NAA10: variants seen among roughly 807,000 people sequenced by gnomAD.
NAA10 encodes N-alpha-acetyltransferase 10.
In NAA10, 6 loss-of-function variants were observed where a neutral mutation model predicts 19.2. That is an observed-to-expected ratio of 0.31 (90% CI 0.17 to 0.62). The LOEUF is 0.62. Ranked by LOEUF, NAA10 falls within the 20% of genes least tolerant of loss-of-function variation. NAA10 has a pLI of 0.83. For missense variants in NAA10, 101 were observed against 198.4 expected (o/e 0.51, Z 2.95); for synonymous variants, 97 against 79.9 (o/e 1.21, Z -1.14).
chrX:153,929,844 A>G lies in NAA10; in HGVS notation c.*143T>C, dbSNP rs1351246656. 7 of 533,289 alleles carry G rather than the reference A, an allele frequency of 1.3e-5. No individual in the cohort carries two copies. Among genetic ancestry groups the G allele is most frequent in the Non-Finnish European group, 2.2e-5 (7 of 313,639 alleles). 43.9% of individuals were successfully genotyped at this position (533,289 alleles called of 1,213,427 possible). A position where few individuals can be genotyped will look rare whatever the true frequency, so the allele number is the denominator to read the frequency against. On this transcript the variant is annotated 3_prime_UTR_variant, in exon 8 of 8. Coordinates refer to ENST00000464845, the MANE Select transcript of NAA10 (RefSeq NM_003491.4). Reference sequence around the variant, plus strand: ...GGGCCTGGCAGGATGCTCTGGGTCAAAAGGCCAAGGCTCACATCCCCACCA... The same window carrying G: ...GGGCCTGGCAGGATGCTCTGGGTCAGAAGGCCAAGGCTCACATCCCCACCA...
chrX:153,930,313 G>C (rs1351439150), intron 7 of NAA10, 90 bp from the exon 8 acceptor site: 2 of 862,337 alleles, frequency 2.3e-6, no homozygotes, highest in African/African-American at 4.0e-5. Flanking sequence ...GCTGGCTGAG[G>C]AGAGGGGCAT....
Position 153,934,954 on chromosome X carries a change from C to T in NAA10, c.-50G>A. The T allele has an allele frequency of 1.0e-6, 1 of 963,433 alleles. No homozygotes were observed. The highest frequency in any genetic ancestry group is 3.3e-5 in the South Asian group (1 of 30,402). 79.4% of individuals were successfully genotyped at this position (963,433 alleles called of 1,213,427 possible). ...CAGCGGATCGTGAAGGCGCAGTCAG[C>T]TGCCGCCGCGCTCCGAAGCGACGCC... On this transcript the variant is annotated 5_prime_UTR_variant, in exon 1 of 8. Transcript: ENST00000464845.
At chrX:153,930,297 C>T (rs1557107188) in intron 7 of NAA10, 74 bp from the exon 8 acceptor site, 1 of 989,780 alleles carries the variant, frequency 1.0e-6, no homozygotes, top group Admixed American at 2.2e-5. Context: ...GGAGCCTGGC[C>T]CTGTCGCTGG....
At chrX:153,933,095 A>T (rs782778110) in intron 3 of NAA10, 1 of 131,269 alleles carries the variant, frequency 7.6e-6, no homozygotes, top group African/African-American at 3.2e-5. Context: ...ACGCAAAGAC[A>T]AGGCAGAAGC....
intron 3 of NAA10, 158 bp downstream of exon 3, chrX:153,933,785 A>G: frequency 2.1e-6 from 1 of 468,222 alleles, no homozygotes; most frequent in Non-Finnish European, 3.7e-6. Flanking sequence ...CAGGGAGGGG[A>G]TGCTGAGGGG....
intron 6 of NAA10, chrX:153,931,658 C>T (rs1175025879): frequency 4.2e-5 from 36 of 866,372 alleles, no homozygotes; most frequent in Non-Finnish European, 5.1e-5. Context: ...GCCCTTCCTT[C>T]CTGAATGTGC....
In NAA10 at chrX:153,930,756, C is replaced by T. The variant is rs373145595; in HGVS notation, c.471+7G>A. ...CTCGCCTTGCTTGGCTTCATGCAGG[C>T]GCTTACCTCGTCGGCCATCTGAGTG... On this transcript the variant is annotated splice_region_variant and intron_variant, in intron 7 of 7. Transcript: ENST00000464845. 16 of 1,209,693 alleles carry T rather than the reference C, an allele frequency of 1.3e-5. No homozygotes were observed. The highest frequency in any genetic ancestry group is 1.8e-5 in the South Asian group (1 of 56,911).
chrX:153,933,258 T>C (rs2065176957), intron 3 of NAA10, among the ~76,000 whole-genome samples: 1 of 112,066 alleles, frequency 8.9e-6, no homozygotes, highest in Non-Finnish European at 1.9e-5. Context: ...GATGAATGCG[T>C]GGAACACAGT....
intron 1 of NAA10, 178 bp downstream of exon 1, chrX:153,934,706 A>G (rs1745670221): frequency 1.6e-6 from 1 of 615,272 alleles, no homozygotes; most frequent in Non-Finnish European, 2.5e-6. Context: ...AGGGAATCGC[A>G]GCCCCGGCCC....
rs782212349 is a variant in NAA10 at position 153,932,451 on chromosome X, GA to G, written c.226-21del. On this transcript the variant is annotated intron_variant, in intron 4 of 7. Transcript: ENST00000464845. Reference sequence around the variant, plus strand: ...CACAGCCTGGTGGGAGAAGAGCAGAGATGGGGTGAGGGACTGGGACCTTGAG... The same window carrying G: ...CACAGCCTGGTGGGAGAAGAGCAGAGTGGGGTGAGGGACTGGGACCTTGAG... 1.7e-6 allele frequency: 2 copies of G among 1,204,400 alleles called. No homozygotes were observed. Among genetic ancestry groups the G allele is most frequent in the South Asian group, 3.5e-5 (2 of 56,580 alleles).
At position 153,930,086 on chromosome X, in the gene NAA10, C is replaced by T; in HGVS notation, c.609G>A (p.Glu203=). The change falls in exon 8 of 8, where the codon GAG becomes GAA. Residue 203 remains glutamate, a synonymous_variant. Transcript: ENST00000464845. The part of the protein sequence containing the change: ...ACREEKGLAA[E]DSGGDSKDLS... ...GGTCCTTGCTGTCCCCACCACTATCCTCGGCAGCCAGGCCCTTCTCCTCGC... is the reference window on the plus strand; with the variant it reads ...GGTCCTTGCTGTCCCCACCACTATCTTCGGCAGCCAGGCCCTTCTCCTCGC... The T allele has an allele frequency of 1.7e-6, 2 of 1,211,205 alleles. No homozygotes were observed. Among genetic ancestry groups the T allele is most frequent in the South Asian group, 3.5e-5 (2 of 56,909 alleles).
rs372290612 is a variant in NAA10 at position 153,932,405 on chromosome X, G to A, written c.252C>T (p.Leu84=). 5 of 1,210,104 alleles carry A rather than the reference G, an allele frequency of 4.1e-6. No homozygotes were observed. The highest frequency in any genetic ancestry group is 5.9e-5 in the East Asian group (2 of 33,770). ...GGTCCATCAGTTTCTGAGCCAGACC[G>A]AGGCGCCGGTGGGAACGCTTCACAG... ...SLAVKRSHRR[L]GLAQKLMDQA... The change falls in exon 5 of 8, where the codon CTC becomes CTT. Residue 84 remains leucine (L), a synonymous_variant. Coordinates refer to ENST00000464845, the MANE Select transcript of NAA10 (RefSeq NM_003491.4).
chrX:153,934,927 C>A lies in NAA10; in HGVS notation c.-23G>T. The A allele has an allele frequency of 1.0e-6, 1 of 998,914 alleles. No individual in the cohort carries two copies. Among genetic ancestry groups the A allele is most frequent in the Admixed American group, 3.6e-5 (1 of 27,466 alleles). 82.3% of individuals were successfully genotyped at this position (998,914 alleles called of 1,213,427 possible). A position where few individuals can be genotyped will look rare whatever the true frequency, so the allele number is the denominator to read the frequency against. Reference sequence around the variant, plus strand: ...CATAACGGCGGCGGGGCTCGCGGGTCCCAGCGGATCGTGAAGGCGCAGTCA... The same window carrying A: ...CATAACGGCGGCGGGGCTCGCGGGTACCAGCGGATCGTGAAGGCGCAGTCA... On this transcript the variant is annotated 5_prime_UTR_variant, in exon 1 of 8. Transcript: ENST00000464845.
chrX:153,934,723 CCGGCCTCTT>C, intron 1 of NAA10, 152 bp downstream of exon 1: 3 of 665,904 alleles, frequency 4.5e-6, no homozygotes, highest in Non-Finnish European at 6.6e-6. Context: ...GCCCCGCGCC[CCGGCCTCTT>C]CGGCGGGCTG....
At chrX:153,930,537 T>G in intron 7 of NAA10, 2 of 460,060 alleles carry the variant, frequency 4.3e-6, no homozygotes, top group South Asian at 6.4e-5. Context: ...TCCCTAGACC[T>G]CCCCACTTCC....
intron 6 of NAA10, 44 bp from the exon 7 acceptor site, chrX:153,930,891 C>G: frequency 8.3e-7 from 1 of 1,211,222 alleles, no homozygotes; most frequent in Non-Finnish European, 1.1e-6. Flanking sequence ...ACCTGTATCC[C>G]GGGGACACCC....
chrX:153,934,275 AG>A, intron 2 of NAA10, 101 bp downstream of exon 2: 1 of 751,896 alleles, frequency 1.3e-6, no homozygotes, highest in African/African-American at 2.1e-5. Flanking sequence ...CCGACCATAC[AG>A]CCCCCTGGGC....
intron 6 of NAA10, 164 bp downstream of exon 6, chrX:153,931,907 C>T: frequency 6.1e-6 from 7 of 1,156,158 alleles, no homozygotes; most frequent in Middle Eastern, 3.4e-4. Flanking sequence ...AACCATCAGC[C>T]GCCGAGTGAA....
chrX:153,933,756 T>G (rs2065180358), intron 3 of NAA10, 187 bp downstream of exon 3: 2 of 430,837 alleles, frequency 4.6e-6, no homozygotes, highest in East Asian at 7.3e-5. Flanking sequence ...TCCAACATGC[T>G]ACTAACAGAG....
Sources: gnomAD v4.1 joint callset for allele counts (sites outside exome capture counted in the v4.1 genomes callset) on GRCh38, gnomAD v4.1.1 for gene constraint, MANE v1.5 for transcripts, NCBI Gene and HGNC (gene_info 2026-07-23, HGNC 2026-07-21) for gene names.